Variants in COL22A1 observed in about 807,000 individuals in gnomAD.
COL22A1 encodes the protein collagen alpha-1(XXII) chain.
COL22A1 carries 221 observed loss-of-function variants against 248.9 expected under a neutral mutation model. That is an observed-to-expected ratio of 0.89 (90% CI 0.80 to 0.99). The LOEUF (loss-of-function observed/expected upper bound fraction) is 0.99, where lower values mean the gene tolerates loss of function less well. Among genes scored for constraint, COL22A1 ranks in the 50% least tolerant of loss-of-function variants. The probability of loss-of-function intolerance (pLI) is 0.00; values close to 1 mark genes in which losing one functional copy is unlikely to be tolerated. For synonymous variants in COL22A1, 891 were observed against 793.4 expected (o/e 1.12, Z -2.07); for missense variants, 2,240 against 2,179.0 (o/e 1.03, Z -0.56).
At chr8:138,657,754 C>G (rs1219554273) in intron 44 of COL22A1, among the ~76,000 whole-genome samples, 2 of 152,036 alleles carry the variant, frequency 1.3e-5, no homozygotes, top group Non-Finnish European at 2.9e-5. Context: ...GATGTAGATG[C>G]CAGTTTACAT....
intron 3 of COL22A1, among the ~76,000 whole-genome samples, chr8:138,876,308 C>T (rs1016343538): frequency 6.6e-6 from 1 of 152,286 alleles, no homozygotes; most frequent in South Asian, 2.1e-4. Context: ...CTCCAGGGAG[C>T]CCTCCATCAT....
At chr8:138,848,407 C>T (rs1055052101) in intron 3 of COL22A1, among the ~76,000 whole-genome samples, 1 of 152,276 alleles carries the variant, frequency 6.6e-6, no homozygotes, top group East Asian at 1.9e-4. Flanking sequence ...GAAAACACCA[C>T]GAATTTACTG....
At chr8:138,607,315 G>A (rs746888640) in intron 57 of COL22A1, among the ~76,000 whole-genome samples, 46 of 152,168 alleles carry the variant, frequency 3.0e-4, no homozygotes, top group Non-Finnish European at 5.3e-4. Context: ...AAGAAGACTA[G>A]ATTGGAAGGA....
chr8:138,671,414 C>G (rs767985791), intron 41 of COL22A1, among the ~76,000 whole-genome samples: 1 of 152,114 alleles, frequency 6.6e-6, no homozygotes, highest in Non-Finnish European at 1.5e-5. Context: ...GTAGCCAGAC[C>G]GTAGTACTAT....
At chr8:138,722,862 G>C (rs1172892750) in intron 25 of COL22A1, among the ~76,000 whole-genome samples, 1 of 96,768 alleles carries the variant, frequency 1.0e-5, no homozygotes, top group African/African-American at 3.8e-5. Flanking sequence ...GGGGGGGGGT[G>C]GTGGAAAACA....
chr8:138,677,687 C>G (rs1825674681), intron 40 of COL22A1, among the ~76,000 whole-genome samples: 1 of 152,126 alleles, frequency 6.6e-6, no homozygotes, highest in Non-Finnish European at 1.5e-5. Context: ...GGGTGTTGCC[C>G]CAGATACTAT....
intron 3 of COL22A1, 101 bp downstream of exon 3, chr8:138,877,649 G>A (rs1377815939): frequency 8.0e-7 from 1 of 1,245,312 alleles, no homozygotes; most frequent in Non-Finnish European, 1.1e-6. Context: ...CGCCTTCCTG[G>A]AGCCGGCCGT....
intron 3 of COL22A1, among the ~76,000 whole-genome samples, chr8:138,862,026 TAAAAAAAAAAAAAA>T (rs386414193): frequency 2.1e-5 from 2 of 93,274 alleles, no homozygotes; most frequent in African/African-American, 8.6e-5. Flanking sequence ...CTGTCTCTAC[TAAAAAAAAAAAAAA>T]AAAAAAAGAA....
intron 23 of COL22A1, among the ~76,000 whole-genome samples, chr8:138,729,002 G>A (rs1830522084): frequency 6.6e-6 from 1 of 152,060 alleles, no homozygotes; most frequent in African/African-American, 2.4e-5. Flanking sequence ...CACAACCCGG[G>A]AGAGAGAAAA....
chr8:138,609,832 C>A (rs4073697), intron 56 of COL22A1, among the ~76,000 whole-genome samples: 94,834 of 151,714 alleles, frequency 0.63, 32,379 homozygotes, highest in Middle Eastern at 0.82. Context: ...GTGCTCTGTG[C>A]ACTTGAGGCC....
rs555020177 is a variant in COL22A1 at position 138,859,052 on chromosome 8, A to T, written c.659-14894T>A. ...CTCGGTCCCCAGAAAGCAAAGGACC[A>T]GCTGAATGAGCCCAGAATGCCTCCT... On this transcript the variant is annotated intron_variant, in intron 3 of 64. Coordinates refer to ENST00000303045, the MANE Select transcript of COL22A1 (RefSeq NM_152888.3). 1.0e-3 allele frequency among the ~76,000 whole-genome samples: 159 copies of T among 152,350 alleles called. 2 individuals carry two copies. The highest frequency in any genetic ancestry group is 3.6e-3 in the African/African-American group (151 of 41,596).
intron 23 of COL22A1, among the ~76,000 whole-genome samples, chr8:138,726,730 G>A (rs1208285950): frequency 2.0e-5 from 3 of 152,174 alleles, no homozygotes; most frequent in African/African-American, 7.2e-5. Flanking sequence ...TGCTGTTGAA[G>A]GTATTGCGTT....
chr8:138,720,462 T>C (rs1829785934), intron 27 of COL22A1, among the ~76,000 whole-genome samples: 1 of 152,030 alleles, frequency 6.6e-6, no homozygotes, highest in South Asian at 2.1e-4. Flanking sequence ...TGGGGGATAG[T>C]GCCTTCTTCT....
chr8:138,701,962 G>T (rs201122418), intron 31 of COL22A1, among the ~76,000 whole-genome samples: 1 of 152,156 alleles, frequency 6.6e-6, no homozygotes, highest in East Asian at 1.9e-4. Context: ...GATATTTTGT[G>T]ATTCACTTAA....
chr8:138,715,358 C>A (rs1483178677), intron 30 of COL22A1, among the ~76,000 whole-genome samples: 2 of 151,788 alleles, frequency 1.3e-5, no homozygotes, highest in Non-Finnish European at 2.9e-5. Context: ...AGGAGTTGCA[C>A]AGGAGTTCAA....
Position 138,796,818 on chromosome 8 carries a change from C to T in COL22A1, c.1596+1G>A, listed in dbSNP as rs1173660060. On this transcript the variant is annotated splice_donor_variant, in intron 12 of 64. Transcript: ENST00000303045. LOFTEE classifies it high-confidence loss of function. ...GAGTGTGATAAAAGGAAGATGCTTA[C>T]CTTTTCACCCTTTTCCCCTTGGCCA... The T allele has an allele frequency of 2.5e-6, 4 of 1,595,458 alleles. No individual in the cohort carries two copies. The highest frequency in any genetic ancestry group is 3.4e-6 in the Non-Finnish European group (4 of 1,163,192).
chr8:138,721,938 G>A, intron 26 of COL22A1, 98 bp downstream of exon 26: 1 of 940,622 alleles, frequency 1.1e-6, no homozygotes, highest in Non-Finnish European at 1.7e-6. Flanking sequence ...CGAAGACCCA[G>A]GCAATTGACT....
At chr8:138,831,518 G>A (rs1003991690) in intron 5 of COL22A1, among the ~76,000 whole-genome samples, 3 of 152,192 alleles carry the variant, frequency 2.0e-5, no homozygotes, top group Admixed American at 2.0e-4. Flanking sequence ...GTAAGGGGAA[G>A]GCCTGACTTT....
chr8:138,694,068 G>A (rs1258833196), intron 34 of COL22A1, among the ~76,000 whole-genome samples: 2 of 152,070 alleles, frequency 1.3e-5, no homozygotes, highest in African/African-American at 2.4e-5. Context: ...GGCAAACACC[G>A]AGCAAAATGA....
Sources: allele counts gnomAD v4.1 joint callset (sites outside exome capture counted in the v4.1 genomes callset), GRCh38; gene constraint gnomAD v4.1.1; transcripts MANE v1.5; gene names NCBI Gene and HGNC (gene_info 2026-07-23, HGNC 2026-07-21).